Variants in SEPTIN9 observed in about 807,000 individuals in gnomAD.
The protein encoded by SEPTIN9 is septin 9.
In SEPTIN9, 13 loss-of-function variants were observed where a neutral mutation model predicts 56.6. The ratio of observed to expected loss-of-function variants is 0.23; its 90% confidence interval spans 0.15 to 0.37. SEPTIN9 has a LOEUF of 0.37. Ranked by LOEUF, SEPTIN9 falls within the 10% of genes least tolerant of loss-of-function variation. The probability of loss-of-function intolerance (pLI) is 1.00; values close to 1 mark genes in which losing one functional copy is unlikely to be tolerated. For synonymous variants in SEPTIN9, 332 were observed against 334.1 expected, an observed-to-expected ratio of 0.99 and a Z score of 0.07; for missense variants, 650 against 823.1, an observed-to-expected ratio of 0.79 and a Z score of 2.57.
chr17:77,429,337 C>T lies in SEPTIN9; in HGVS notation c.721+26634C>T, dbSNP rs115878632. 1,822 of 464,166 alleles carry T rather than the reference C, an allele frequency of 3.9e-3. 27 individuals carry two copies. The highest frequency in any genetic ancestry group is 0.034 in the African/African-American group (1,707 of 50,124). The allele number at this position is 464,166 out of a possible 1,614,324, so 28.8% of individuals were successfully genotyped here. On this transcript the variant is annotated intron_variant, in intron 3 of 11. Transcript: ENST00000427177. The surrounding 1 kb of genome is among the most constrained non-coding windows in gnomAD (Gnocchi z 5.2). ...CTCGCCACGACTGGCTCCTGCAGCC[C>T]ACCTGGCTGAGAGGTGTGCTGGCTC...
intron 2 of SEPTIN9, chr17:77,374,426 G>C (rs375719829): frequency 2.0e-5 from 3 of 152,290 alleles, no homozygotes; most frequent in Non-Finnish European, 4.4e-5. Context: ...GCGTCCGCGG[G>C]AGTAAATACA....
Position 77,310,359 on chromosome 17 carries a change from A to G in SEPTIN9, c.76+3162A>G, listed in dbSNP as rs2032442122. 6.6e-6 allele frequency among the ~76,000 whole-genome samples: 1 copy of G among 152,174 alleles called. No individual in the cohort carries two copies. The highest frequency in any genetic ancestry group is 6.5e-5 in the Admixed American group (1 of 15,282). On this transcript the variant is annotated intron_variant, in intron 2 of 11. Coordinates refer to ENST00000427177, the MANE Select transcript of SEPTIN9 (RefSeq NM_001113491.2). The surrounding 1 kb of genome is among the most constrained non-coding windows in gnomAD (Gnocchi z 4.7). ...CTGTCTCCTCTTGAATGCCGTCATC[A>G]GCATCACATCCTTGGTGCCTCACTG...
intron 2 of SEPTIN9, among the ~76,000 whole-genome samples, chr17:77,328,809 TC>T: frequency 6.6e-6 from 1 of 152,046 alleles, no homozygotes. Flanking sequence ...AATGAGCAAA[TC>T]CATAGGTGGT....
rs1267430469 is a variant in SEPTIN9, at chr17:77,323,304, C to T, written c.76+16107C>T. Reference sequence around the variant, plus strand: ...AAGGCCACTCCTTCCAGCCAAGGGTCGGAGCTTTTTTTTTGTTCTGGAACG... The same window carrying T: ...AAGGCCACTCCTTCCAGCCAAGGGTTGGAGCTTTTTTTTTGTTCTGGAACG... On this transcript the variant is annotated intron_variant, in intron 2 of 11. Transcript: ENST00000427177. This position sits in a 1 kb window ranked among gnomAD's most constrained non-coding sequence, Gnocchi z 6.8. Among the ~76,000 whole-genome samples, 1 of 152,018 alleles carries T rather than the reference C, an allele frequency of 6.6e-6. No homozygotes were observed. Among genetic ancestry groups the T allele is most frequent in the South Asian group, 2.1e-4 (1 of 4,820 alleles).
intron 1 of SEPTIN9, chr17:77,288,251 TAAATG>T: frequency 9.8e-7 from 1 of 1,019,558 alleles, no homozygotes; most frequent in East Asian, 5.9e-5. Flanking sequence ...CCAGGCTGCT[TAAATG>T]ACCTGTGACG....
At chr17:77,485,058 TGGTG>T (rs562493693) in intron 4 of SEPTIN9, among the ~76,000 whole-genome samples, 1 of 13,978 alleles carries the variant, frequency 7.2e-5, no homozygotes. Context: ...GTGATTGTGG[TGGTG>T]GTAATGGTGA....
intron 3 of SEPTIN9, chr17:77,469,840 C>T (rs1195332483): frequency 3.4e-5 from 5 of 147,876 alleles, no homozygotes; most frequent in South Asian, 2.2e-4. Context: ...CACCTGTCAA[C>T]CCATCTATCC....
chr17:77,383,439 G>T (rs1202842889), intron 2 of SEPTIN9, among the ~76,000 whole-genome samples: 2 of 151,848 alleles, frequency 1.3e-5, no homozygotes, highest in African/African-American at 4.8e-5. Flanking sequence ...AGGCCGGCCC[G>T]GGTCCTCCCA....
At chr17:77,474,479 G>C (rs765369602) in intron 3 of SEPTIN9, among the ~76,000 whole-genome samples, 2 of 152,228 alleles carry the variant, frequency 1.3e-5, no homozygotes, top group Non-Finnish European at 2.9e-5. Flanking sequence ...AACTTTCCCT[G>C]GCTGGCGGGT....
intron 2 of SEPTIN9, among the ~76,000 whole-genome samples, chr17:77,353,672 T>A (rs1445995080): frequency 1.3e-5 from 2 of 152,170 alleles, no homozygotes; most frequent in East Asian, 3.9e-4. Context: ...CTATGCATCA[T>A]TTTTAGGGCA....
rs781163314 is a variant in SEPTIN9, at chr17:77,402,116, G to A, written c.134G>A (p.Arg45Gln). 25 of 1,613,874 alleles carry A rather than the reference G, an allele frequency of 1.5e-5. No individual in the cohort carries two copies. The highest frequency in any genetic ancestry group is 1.9e-5 in the Non-Finnish European group (23 of 1,179,862). ...EVETPNSTPP[R>Q]RVQTPLLRAT... is the part of the protein sequence containing the mutation. ...GAGACACCCAACTCCACCCCACCCC[G>A]GAGGGTCCAGACTCCCCTACTCCGA... Residue 45 changes from arginine to glutamine, a missense_variant, in exon 3 of 12, where the codon CGG (arginine) becomes CAG (glutamine). Transcript: ENST00000427177. The surrounding 1 kb of genome is among the most constrained non-coding windows in gnomAD (Gnocchi z 6.6).
At chr17:77,404,657 T>A (rs1343735943) in intron 3 of SEPTIN9, among the ~76,000 whole-genome samples, 1 of 152,108 alleles carries the variant, frequency 6.6e-6, no homozygotes, top group Non-Finnish European at 1.5e-5. Context: ...GTGCTCCTCA[T>A]GCTTTCATGG....
intron 2 of SEPTIN9, among the ~76,000 whole-genome samples, chr17:77,333,849 T>C (rs190029101): frequency 3.7e-4 from 57 of 152,294 alleles, no homozygotes; most frequent in Admixed American, 3.4e-3. Flanking sequence ...TGGTGACTTA[T>C]GAGGTCGCAC....
intron 2 of SEPTIN9, among the ~76,000 whole-genome samples, chr17:77,354,796 G>C (rs74354492): frequency 6.6e-6 from 1 of 152,026 alleles, no homozygotes; most frequent in South Asian, 2.1e-4. Context: ...CAATCGTGAC[G>C]CCTGCTTGTT....
chr17:77,285,588 G>A (rs186096096), intron 1 of SEPTIN9, among the ~76,000 whole-genome samples: 3 of 151,610 alleles, frequency 2.0e-5, no homozygotes, highest in African/African-American at 7.3e-5. Context: ...TAGTAGAGAT[G>A]GGGTTTTACC....
chr17:77,432,236 C>A (rs1352336991), intron 3 of SEPTIN9, among the ~76,000 whole-genome samples: 1 of 152,206 alleles, frequency 6.6e-6, no homozygotes, highest in Non-Finnish European at 1.5e-5. Context: ...GAAATGTCCA[C>A]TCGAGACATG....
intron 3 of SEPTIN9, among the ~76,000 whole-genome samples, chr17:77,455,417 G>A (rs1425979589): frequency 6.6e-6 from 1 of 152,242 alleles, no homozygotes; most frequent in African/African-American, 2.4e-5. Flanking sequence ...TGCTCTGTGG[G>A]TGCCAGGCTC....
intron 3 of SEPTIN9, among the ~76,000 whole-genome samples, chr17:77,416,137 G>A (rs927658193): frequency 6.6e-6 from 1 of 151,930 alleles, no homozygotes; most frequent in Non-Finnish European, 1.5e-5. Flanking sequence ...TTAAAATGTT[G>A]CTTCAAAATA....
intron 3 of SEPTIN9, among the ~76,000 whole-genome samples, chr17:77,459,954 G>C (rs1321865009): frequency 6.6e-6 from 1 of 152,076 alleles, no homozygotes; most frequent in African/African-American, 2.4e-5. Context: ...GGGATTACAG[G>C]TGTGAGCCAC....
Sources: allele counts gnomAD v4.1 joint callset (sites outside exome capture counted in the v4.1 genomes callset), GRCh38; gene constraint gnomAD v4.1.1; non-coding constraint Gnocchi (gnomAD v3.1); transcripts MANE v1.5; gene names NCBI Gene and HGNC (gene_info 2026-07-23, HGNC 2026-07-21).